The following BARD1 variants were observed in gnomAD, a reference collection of about 807,000 sequenced individuals.
The protein encoded by BARD1 is BRCA1-associated RING domain protein 1.
BARD1 carries 73 observed loss-of-function variants against 77.0 expected under a neutral mutation model. That is an observed-to-expected ratio of 0.95 (90% CI 0.79 to 1.15). BARD1 has a LOEUF of 1.15. BARD1 is among the 50% of genes most tolerant of loss of function. The pLI is 0.00. For synonymous variants in BARD1, 384 were observed against 338.0 expected, an observed-to-expected ratio of 1.14 and a Z score of -1.49; for missense variants, 993 against 938.8, an observed-to-expected ratio of 1.06 and a Z score of -0.75.
intron 1 of BARD1, among the ~76,000 whole-genome samples, chr2:214,802,224 C>T (rs1156644088): frequency 6.6e-6 from 1 of 152,156 alleles, no homozygotes; most frequent in Non-Finnish European, 1.5e-5. Context: ...CAATGCTGGG[C>T]CACAGCAGGA....
In BARD1 at chr2:214,799,996, C is replaced by T. The variant is rs191044749; in HGVS notation, c.159-2879G>A. On this transcript the variant is annotated intron_variant, in intron 1 of 10. Transcript: ENST00000260947. ...ATACACATTGATCTGCCTATTTCAG[C>T]ATTTCCTTAGCTGCTTTTCCTACCT... Among the ~76,000 whole-genome samples the T allele has an allele frequency of 5.1e-4, 78 of 152,308 alleles. 1 individual carries two copies. The highest frequency in any genetic ancestry group is 1.9e-3 in the African/African-American group (78 of 41,568).
chr2:214,774,220 CT>C (rs1230112205), intron 4 of BARD1, among the ~76,000 whole-genome samples: 3 of 152,162 alleles, frequency 2.0e-5, no homozygotes, highest in African/African-American at 4.8e-5. Context: ...GTAATCAACT[CT>C]TTTCCAAACT....
chr2:214,743,710 A>T (rs1692956563), intron 9 of BARD1, among the ~76,000 whole-genome samples: 1 of 151,896 alleles, frequency 6.6e-6, no homozygotes, highest in Non-Finnish European at 1.5e-5. Flanking sequence ...CAGCCTCCCA[A>T]GTGGCTGGGA....
intron 6 of BARD1, among the ~76,000 whole-genome samples, chr2:214,765,678 G>A (rs1694162899): frequency 2.0e-5 from 3 of 152,124 alleles, no homozygotes; most frequent in Admixed American, 1.3e-4. Context: ...ACATATGGGA[G>A]GGTCATATCG....
intron 3 of BARD1, among the ~76,000 whole-genome samples, chr2:214,784,986 T>A (rs1366996086): frequency 6.6e-6 from 1 of 150,800 alleles, no homozygotes; most frequent in Non-Finnish European, 1.5e-5. Context: ...GTAACAAACC[T>A]GCATGTTCTG....
intron 7 of BARD1, among the ~76,000 whole-genome samples, chr2:214,751,499 CTACT>C (rs900986575): frequency 6.6e-6 from 1 of 151,804 alleles, no homozygotes; most frequent in Admixed American, 6.6e-5. Context: ...CCTGTAGTTT[CTACT>C]TACTTTGATT....
intron 3 of BARD1, among the ~76,000 whole-genome samples, chr2:214,787,933 G>C (rs571518646): frequency 2.2e-4 from 33 of 152,006 alleles, no homozygotes; most frequent in African/African-American, 7.9e-4. Context: ...AAAATCAAAG[G>C]AAAGTCCTTT....
chr2:214,776,698 C>T (rs1261685197), intron 4 of BARD1, among the ~76,000 whole-genome samples: 1 of 152,166 alleles, frequency 6.6e-6, no homozygotes. Flanking sequence ...AAAATGTCCA[C>T]ACACGAATAA....
intron 1 of BARD1, among the ~76,000 whole-genome samples, chr2:214,803,173 G>C (rs1696103130): frequency 7.0e-6 from 1 of 143,662 alleles, no homozygotes; most frequent in South Asian, 2.1e-4. Context: ...AGTACCCAGG[G>C]ACACAAACAC....
At chr2:214,772,242 C>A (rs903934039) in intron 4 of BARD1, among the ~76,000 whole-genome samples, 3 of 152,176 alleles carry the variant, frequency 2.0e-5, no homozygotes, top group East Asian at 1.9e-4. Context: ...CAGGTGTGAG[C>A]CCCTGCAACT....
Position 214,745,178 on chromosome 2 carries a change from A to C in BARD1, c.1811-19T>G. Reference sequence around the variant, plus strand: ...TGAGTTACTAAAATACAAAAAAAGCAGTAAGAGAAAGAAAGATACAAGCCA... The same window carrying C: ...TGAGTTACTAAAATACAAAAAAAGCCGTAAGAGAAAGAAAGATACAAGCCA... On this transcript the variant is annotated intron_variant, in intron 8 of 10. Transcript: ENST00000260947. The C allele has an allele frequency of 6.3e-7, 1 of 1,598,996 alleles. No homozygotes were observed. The highest frequency in any genetic ancestry group is 1.3e-5 in the African/African-American group (1 of 74,730).
chr2:214,790,162 C>T (rs1046295810), intron 3 of BARD1, among the ~76,000 whole-genome samples: 3 of 151,956 alleles, frequency 2.0e-5, no homozygotes, highest in African/African-American at 7.2e-5. Flanking sequence ...TTTTGCACCC[C>T]TATGGTATGC....
chr2:214,737,086 G>C (rs556135785), intron 9 of BARD1, among the ~76,000 whole-genome samples: 2 of 152,182 alleles, frequency 1.3e-5, no homozygotes, highest in South Asian at 4.2e-4. Context: ...TTTTTTCAAA[G>C]CTGGGAGTGA....
intron 1 of BARD1, among the ~76,000 whole-genome samples, chr2:214,799,155 G>A (rs1180329917): frequency 6.6e-6 from 1 of 151,986 alleles, no homozygotes; most frequent in African/African-American, 2.4e-5. Context: ...ATAAAAATTA[G>A]CCAGGCATGG....
chr2:214,747,640 G>A (rs1013075177), intron 7 of BARD1, among the ~76,000 whole-genome samples: 9 of 146,652 alleles, frequency 6.1e-5, no homozygotes, highest in Admixed American at 1.4e-4. Context: ...CTCACTCATA[G>A]GTGGGAATTG....
intron 2 of BARD1, among the ~76,000 whole-genome samples, chr2:214,796,536 G>A (rs1163847152): frequency 6.6e-6 from 1 of 152,188 alleles, no homozygotes; most frequent in African/African-American, 2.4e-5. Context: ...AAGATTGCTA[G>A]GGGAAAGGCA....
At position 214,727,481 on chromosome 2, in the gene BARD1, G is replaced by C. The variant is rs911593420; in HGVS notation, c.*1195C>G. The stretch of plus-strand genomic sequence containing the variant: ...TAGGAAGGAATTATTAAAGAATTCT[G>C]CTTCTTAAAAAAATGTTTCAAAATA... On this transcript the variant is annotated 3_prime_UTR_variant, in exon 11 of 11. Transcript: ENST00000260947. The C allele has an allele frequency of 2.2e-5, 5 of 231,600 alleles. No homozygotes were observed. The highest frequency in any genetic ancestry group is 5.6e-5 in the Admixed American group (1 of 17,744). The allele number at this position is 231,600 out of a possible 1,614,324, so 14.3% of individuals were successfully genotyped here. A position where few individuals can be genotyped will look rare whatever the true frequency, so the allele number is the denominator to read the frequency against.
intron 9 of BARD1, among the ~76,000 whole-genome samples, chr2:214,733,700 G>C (rs1372575725): frequency 1.3e-5 from 2 of 151,826 alleles, no homozygotes; most frequent in African/African-American, 2.4e-5. Context: ...AAATTTTATT[G>C]CTTTATTTTC....
rs876658286 is a variant in BARD1, at chr2:214,728,834, G to A, written c.2176C>T (p.Pro726Ser). ...TINTVAYHAR[P>S]DSDQRFCTQY... ...GTGCAGAAGCGCTGATCAGAATCGG[G>A]TCTCGCATGGTATGCGACTGTATTG... The change falls in exon 11 of 11, where the codon CCC becomes TCC. Residue 726 changes from proline (P) to serine (S), a missense_variant. Coordinates refer to ENST00000260947, the MANE Select transcript of BARD1 (RefSeq NM_000465.4). 6.2e-7 allele frequency: 1 copy of A among 1,614,170 alleles called. No individual in the cohort carries two copies. Among genetic ancestry groups the A allele is most frequent in the South Asian group, 1.1e-5 (1 of 91,084 alleles).
Sources: gnomAD v4.1 joint callset for allele counts (sites outside exome capture counted in the v4.1 genomes callset) on GRCh38, gnomAD v4.1.1 for gene constraint, MANE v1.5 for transcripts, NCBI Gene and HGNC (gene_info 2026-07-23, HGNC 2026-07-21) for gene names.